Variants in CLNK observed in about 807,000 individuals in gnomAD.
The protein encoded by CLNK is cytokine dependent hematopoietic cell linker, also known as cytokine-dependent hematopoietic cell linker.
Under a neutral mutation model 68.6 loss-of-function variants are expected in CLNK, and 74 were observed. That is an observed-to-expected ratio of 1.08 (90% confidence interval 0.89 to 1.31). The LOEUF is 1.31. Ranked by LOEUF, CLNK falls within the 50% of genes most tolerant of loss-of-function variation. The probability of loss-of-function intolerance (pLI) is 0.00; values close to 1 mark genes in which losing one functional copy is unlikely to be tolerated. For synonymous variants in CLNK, 198 were observed against 172.2 expected (o/e 1.15, Z -1.17); for missense variants, 553 against 515.3 (o/e 1.07, Z -0.71).
In CLNK at chr4:10,499,888, G is replaced by A. The variant is rs529254934; in HGVS notation, c.1140+1368C>T. On this transcript the variant is annotated intron_variant, in intron 18 of 18. Coordinates refer to ENST00000226951, the MANE Select transcript of CLNK (RefSeq NM_052964.4). The stretch of plus-strand genomic sequence containing the variant: ...TTGTCATAAGAACATCTCTCATATT[G>A]GATTAGGACTCATCCCAATAACCTT... Among the ~76,000 whole-genome samples the A allele has an allele frequency of 1.9e-4, 29 of 152,092 alleles. No individual in the cohort carries two copies. In the South Asian group the frequency reaches 5.0e-3, roughly 26 times the overall value.
intron 3 of CLNK, among the ~76,000 whole-genome samples, chr4:10,592,222 C>T (rs1391516467): frequency 1.3e-5 from 2 of 152,114 alleles, no homozygotes; most frequent in African/African-American, 4.8e-5. Context: ...ACTTTAAGTT[C>T]TTTGAGGGCA....
Position 10,673,711 on chromosome 4 carries a change from C to CT in CLNK, c.-42-5801dup, listed in dbSNP as rs1271638442. On this transcript the variant is annotated intron_variant, in intron 1 of 18. Transcript: ENST00000226951. ...GGAGTGATAGTATTAGGAGAAATAACTAATGTTAATAAAAAAAGAAGTAAC... is the reference window on the plus strand; with the variant it reads ...GGAGTGATAGTATTAGGAGAAATAACTTAATGTTAATAAAAAAAGAAGTAAC... Among the ~76,000 whole-genome samples the CT allele has an allele frequency of 4.0e-5, 6 of 151,784 alleles. No homozygotes were observed. In the East Asian group the frequency reaches 1.2e-3, roughly 30 times the overall value.
the CLNK span, among the ~76,000 whole-genome samples, chr4:10,709,934 C>G: frequency 4.1e-4 from 62 of 152,278 alleles, no homozygotes; most frequent in Non-Finnish European, 7.2e-4. Context: ...CCAGCTCAAA[C>G]CAGCAGAGTT....
At chr4:10,649,468 C>A (rs940232905) in intron 2 of CLNK, among the ~76,000 whole-genome samples, 3 of 152,070 alleles carry the variant, frequency 2.0e-5, no homozygotes, top group African/African-American at 4.8e-5. Context: ...CATGGCCTGG[C>A]AGAACATGGG....
the CLNK span, among the ~76,000 whole-genome samples, chr4:10,705,183 T>C: frequency 6.6e-6 from 1 of 152,126 alleles, no homozygotes; most frequent in Non-Finnish European, 1.5e-5. Context: ...GATAATGGGG[T>C]GGAAGGAATG....
At chr4:10,590,798 G>A (rs369991093) in intron 3 of CLNK, among the ~76,000 whole-genome samples, 9 of 151,980 alleles carry the variant, frequency 5.9e-5, no homozygotes, top group East Asian at 5.8e-4. Context: ...CTAGTTGAAC[G>A]TCTGCACTGC....
chr4:10,651,385 C>G (rs1197619079), intron 2 of CLNK, among the ~76,000 whole-genome samples: 1 of 152,064 alleles, frequency 6.6e-6, no homozygotes, highest in Non-Finnish European at 1.5e-5. Flanking sequence ...AGGATGAGCT[C>G]ATGTCCTTTG....
the CLNK span, among the ~76,000 whole-genome samples, chr4:10,695,866 T>C: frequency 1.3e-5 from 2 of 152,046 alleles, no homozygotes; most frequent in Non-Finnish European, 2.9e-5. Flanking sequence ...TAGAGCTTTT[T>C]TTTTTTTTTG....
In CLNK at chr4:10,654,117, G is replaced by A. The variant is rs556995259; in HGVS notation, c.11+13742C>T. ...CATTTGATGAGGCCAGCACAAATGT[G>A]ATGCTAACCAGCAAGGAGAGTGAAA... On this transcript the variant is annotated intron_variant, in intron 2 of 18. Coordinates refer to ENST00000226951, the MANE Select transcript of CLNK (RefSeq NM_052964.4). Among the ~76,000 whole-genome samples the A allele has an allele frequency of 2.6e-5, 4 of 152,120 alleles. No individual in the cohort carries two copies. The East Asian group carries it at 5.8e-4, about 22-fold the overall frequency.
At chr4:10,558,117 A>T (rs1719745406) in intron 8 of CLNK, among the ~76,000 whole-genome samples, 1 of 152,206 alleles carries the variant, frequency 6.6e-6, no homozygotes, top group Non-Finnish European at 1.5e-5. Context: ...AGATAACATG[A>T]TTATATATTT....
Position 10,626,749 on chromosome 4 carries a change from A to G in CLNK, c.12-28700T>C, listed in dbSNP as rs181813119. Among the ~76,000 whole-genome samples the G allele has an allele frequency of 4.6e-5, 7 of 152,350 alleles. No individual in the cohort carries two copies. In the East Asian group the frequency reaches 1.2e-3, roughly 25 times the overall value. ...TGACTGCATTACAGTTTGTAATGTC[A>G]CTGTCATAACGTGTTTTAACAATTT... On this transcript the variant is annotated intron_variant, in intron 2 of 18. Transcript: ENST00000226951.
chr4:10,569,346 C>T (rs1009723749), intron 5 of CLNK, among the ~76,000 whole-genome samples: 1 of 151,808 alleles, frequency 6.6e-6, no homozygotes, highest in Non-Finnish European at 1.5e-5. Context: ...CTCTCTCTCT[C>T]TTTCTCTGGG....
chr4:10,718,827 C>A, the CLNK span, among the ~76,000 whole-genome samples: 1 of 151,748 alleles, frequency 6.6e-6, no homozygotes, highest in Non-Finnish European at 1.5e-5. Flanking sequence ...AATTACAACC[C>A]GTCTAATATG....
At chr4:10,552,480 T>G (rs1416884847) in intron 8 of CLNK, among the ~76,000 whole-genome samples, 1 of 152,044 alleles carries the variant, frequency 6.6e-6, no homozygotes, top group Non-Finnish European at 1.5e-5. Flanking sequence ...TGGAGATATC[T>G]TTCCCAGTTT....
At chr4:10,538,506 G>A (rs763333193) in intron 11 of CLNK, among the ~76,000 whole-genome samples, 2 of 152,140 alleles carry the variant, frequency 1.3e-5, no homozygotes, top group Non-Finnish European at 2.9e-5. Context: ...TAGACTATTT[G>A]GCCAGGAGTT....
intron 5 of CLNK, among the ~76,000 whole-genome samples, chr4:10,566,469 C>A (rs1417091313): frequency 1.3e-5 from 2 of 152,024 alleles, no homozygotes; most frequent in Non-Finnish European, 2.9e-5. Context: ...CCTGGGTGGG[C>A]CCAATGTAAT....
At chr4:10,547,814 GA>G (rs1231093003) in intron 8 of CLNK, among the ~76,000 whole-genome samples, 1 of 152,086 alleles carries the variant, frequency 6.6e-6, no homozygotes, top group African/African-American at 2.4e-5. Context: ...GTCATAAATG[GA>G]AAAATTTCCT....
intron 16 of CLNK, among the ~76,000 whole-genome samples, chr4:10,509,042 G>A (rs978019608): frequency 7.6e-5 from 11 of 144,964 alleles, no homozygotes; most frequent in East Asian, 2.1e-4. Flanking sequence ...GGGAGGCGGC[G>A]GTTGCAGTGA....
chr4:10,733,900 T>C, the CLNK span, among the ~76,000 whole-genome samples: 1 of 152,090 alleles, frequency 6.6e-6, no homozygotes, highest in African/African-American at 2.4e-5. Flanking sequence ...TCCTGAAGAG[T>C]CGTTTCTGAA....
Sources: gnomAD v4.1 joint callset for allele counts (sites outside exome capture counted in the v4.1 genomes callset) on GRCh38, gnomAD v4.1.1 for gene constraint, MANE v1.5 for transcripts, NCBI Gene and HGNC (gene_info 2026-07-23, HGNC 2026-07-21) for gene names.